The following TMEM187 variants were observed in gnomAD, a reference collection of about 807,000 sequenced individuals.
The protein encoded by TMEM187 is chromosome X open reading frame 12.
A neutral mutation model predicts 11.8 loss-of-function variants in TMEM187; 14 were observed. The ratio of observed to expected loss-of-function variants is 1.18; its 90% CI spans 0.78 to 1.85. TMEM187 has a LOEUF of 1.85. TMEM187 is among the 40% of genes most tolerant of loss of function. The pLI is 0.00. For synonymous variants in TMEM187, 112 were observed against 118.5 expected, an observed-to-expected ratio of 0.95 and a Z score of 0.36; for missense variants, 227 against 243.9, an observed-to-expected ratio of 0.93 and a Z score of 0.46.
At chrX:153,975,021 GAAGAGC>G (rs1557121246) in intron 1 of TMEM187, among the ~76,000 whole-genome samples, 1 of 112,219 alleles carries the variant, frequency 8.9e-6, no homozygotes, top group African/African-American at 3.2e-5. Flanking sequence ...GGCATCTGAG[GAAGAGC>G]AAGGAATCAG....
At chrX:153,980,945 C>T (rs1207109285) in intron 1 of TMEM187, among the ~76,000 whole-genome samples, 5 of 107,120 alleles carry the variant, frequency 4.7e-5, no homozygotes, top group African/African-American at 1.4e-4. Context: ...GTGCACAAAC[C>T]GAGGCCCAAG....
rs781906782 is a variant in TMEM187 at position 153,982,842 on chromosome X, G to A, written c.780G>A (p.Thr260=). Residue 260 remains threonine, a synonymous_variant, in exon 2 of 2, where the codon ACG becomes ACA. Transcript: ENST00000369982. ...GATTCCATCCCTCTGGCGGGAAGAC[G>A]CGTTGAACCCAGGGAAGAACCTGCT... ...HPRFHPSGGK[T]R The A allele has an allele frequency of 1.3e-4, 156 of 1,210,538 alleles. No homozygotes were observed. The Admixed American group carries it at 1.4e-3, about 11-fold the overall frequency.
chrX:153,983,067 A>G lies in TMEM187; in HGVS notation c.*219A>G, dbSNP rs192974779. ...AGACATAAAGCACAGATCTCCGCACAGGGGATGTGTGTGTTCCTGATGTAA... is the reference window on the plus strand; with the variant it reads ...AGACATAAAGCACAGATCTCCGCACGGGGGATGTGTGTGTTCCTGATGTAA... On this transcript the variant is annotated 3_prime_UTR_variant, in exon 2 of 2. Transcript: ENST00000369982. 2,554 of 635,962 alleles carry G rather than the reference A, an allele frequency of 4.0e-3. 10 individuals are homozygous for G. The highest frequency in any genetic ancestry group is 0.011 in the Middle Eastern group (22 of 1,930). 52.4% of individuals were successfully genotyped at this position (635,962 alleles called of 1,213,427 possible). A position where few individuals can be genotyped will look rare whatever the true frequency, so the allele number is the denominator to read the frequency against.
At chrX:153,981,810 C>T (rs946239781) in intron 1 of TMEM187, 40 bp from the exon 2 acceptor site, 16 of 472,319 alleles carry the variant, frequency 3.4e-5, no homozygotes, top group Non-Finnish European at 4.9e-5. Flanking sequence ...GTGCTGGGGA[C>T]GGTTTGTTTT....
At chrX:153,977,791 T>C (rs946933630) in intron 1 of TMEM187, among the ~76,000 whole-genome samples, 3 of 108,680 alleles carry the variant, frequency 2.8e-5, no homozygotes, top group Non-Finnish European at 5.7e-5. Flanking sequence ...GGCGGGCGCC[T>C]GTAATCCCAG....
chrX:153,974,352 G>A (rs2065569865), intron 1 of TMEM187, among the ~76,000 whole-genome samples: 2 of 112,323 alleles, frequency 1.8e-5, no homozygotes, highest in African/African-American at 3.2e-5. Context: ...ACCTGTAGAC[G>A]CCATGCGGGG....
At chrX:153,973,686 C>A (rs1603300272) in intron 1 of TMEM187, among the ~76,000 whole-genome samples, 1 of 66,540 alleles carries the variant, frequency 1.5e-5, no homozygotes, top group Admixed American at 2.4e-4. Flanking sequence ...GTCTCAAAAA[C>A]ACACACACAC....
At chrX:153,980,400 A>G (rs1020899606) in intron 1 of TMEM187, among the ~76,000 whole-genome samples, 6 of 111,719 alleles carry the variant, frequency 5.4e-5, no homozygotes, top group Non-Finnish European at 9.4e-5. Context: ...AAAGCAAGGA[A>G]GAAGCCACGT....
intron 1 of TMEM187, among the ~76,000 whole-genome samples, chrX:153,978,738 C>A (rs1370978777): frequency 3.0e-5 from 3 of 98,504 alleles, no homozygotes; most frequent in African/African-American, 7.5e-5. Context: ...CATGTGCCAC[C>A]ACACCTGGCT....
rs367760830 is a variant in TMEM187 at position 153,979,962 on chromosome X, C to A, written c.-213-1888C>A. ...CCGTGTTAGCCAGGATGCTCTCGAT[C>A]TCCTGACCTCGTGATCCACCCGCCT... On this transcript the variant is annotated intron_variant, in intron 1 of 1. Coordinates refer to ENST00000369982, the MANE Select transcript of TMEM187 (RefSeq NM_003492.3). Among the ~76,000 whole-genome samples the A allele has an allele frequency of 2.7e-5, 3 of 109,228 alleles. No homozygotes were observed. The East Asian group carries it at 8.7e-4, about 32-fold the overall frequency. 94.9% of individuals were successfully genotyped at this position (109,228 alleles called of 115,157 possible). A position where few individuals can be genotyped will look rare whatever the true frequency, so the allele number is the denominator to read the frequency against.
intron 1 of TMEM187, among the ~76,000 whole-genome samples, chrX:153,978,643 G>T (rs2065586540): frequency 1.0e-5 from 1 of 97,452 alleles, no homozygotes; most frequent in Non-Finnish European, 2.1e-5. Context: ...GAGTGCAGTG[G>T]CGTGATCTCG....
At position 153,972,939 on chromosome X, in the gene TMEM187, CGCGGCGGCGGCG is replaced by C. The variant is rs782390507; in HGVS notation, c.-214+94_-214+105del. 94 of 117,497 alleles carry C rather than the reference CGCGGCGGCGGCG, an allele frequency of 8.0e-4. 2 individuals carry two copies. Among genetic ancestry groups the C allele is most frequent in the Admixed American group, 3.1e-3 (32 of 10,403 alleles). 9.7% of individuals were successfully genotyped at this position (117,497 alleles called of 1,213,427 possible). The stretch of plus-strand genomic sequence containing the variant: ...CGCCTCCTCTAGGAGGCCGCCCGGG[CGCGGCGGCGGCG>C]GCGGCGGCGGCGGCATCCGCCCTGC... On this transcript the variant is annotated intron_variant, in intron 1 of 1. Transcript: ENST00000369982.
intron 1 of TMEM187, 72 bp from the exon 2 acceptor site, chrX:153,981,778 G>A (rs782045381): frequency 5.4e-5 from 23 of 424,972 alleles, no homozygotes; most frequent in South Asian, 2.1e-4. Flanking sequence ...TCCTGAGGCC[G>A]GGGGTCAGGA....
Position 153,981,996 on chromosome X carries a change from T to C in TMEM187, c.-67T>C. 8.3e-7 allele frequency: 1 copy of C among 1,210,010 alleles called. No individual in the cohort carries two copies. Among genetic ancestry groups the C allele is most frequent in the Non-Finnish European group, 1.1e-6 (1 of 894,983 alleles). ...CTCAGCCGGGAGGCCCAGAGTGTTCTGCAGAGGCTGCGTATTGAAGGCTGC... is the reference window on the plus strand; with the variant it reads ...CTCAGCCGGGAGGCCCAGAGTGTTCCGCAGAGGCTGCGTATTGAAGGCTGC... On this transcript the variant is annotated 5_prime_UTR_variant, in exon 2 of 2. Transcript: ENST00000369982.
At position 153,982,202 on chromosome X, in the gene TMEM187, G is replaced by A; in HGVS notation, c.140G>A (p.Gly47Asp). The change falls in exon 2 of 2, where the codon GGC (glycine) becomes GAC (aspartate). Residue 47 changes from glycine (G) to aspartate (D), a missense_variant. Gly to Asp is a moderately conservative substitution (Grantham distance 94, BLOSUM62 -1). Transcript: ENST00000369982. ...YEHYAEAPVA[G>D]LPAFLAMPFN... ...CACTACGCCGAGGCGCCCGTGGCCG[G>A]CCTCCCTGCCTTCCTGGCCATGCCG... 1 of 1,212,453 alleles carries A rather than the reference G, an allele frequency of 8.2e-7. No individual in the cohort carries two copies. Among genetic ancestry groups the A allele is most frequent in the Non-Finnish European group, 1.1e-6 (1 of 895,673 alleles).
Position 153,982,876 on chromosome X carries a change from A to G in TMEM187, c.*28A>G. 8.3e-7 allele frequency: 1 copy of G among 1,211,632 alleles called. No individual in the cohort carries two copies. Among genetic ancestry groups the G allele is most frequent in the Non-Finnish European group, 1.1e-6 (1 of 895,421 alleles). ...CCAGGGAAGAACCTGCTGAAAACCGATGACCCCCAGCATTGAAATGGACTC... is the reference window on the plus strand; with the variant it reads ...CCAGGGAAGAACCTGCTGAAAACCGGTGACCCCCAGCATTGAAATGGACTC... On this transcript the variant is annotated 3_prime_UTR_variant, in exon 2 of 2. Transcript: ENST00000369982.
chrX:153,978,605 G>C lies in TMEM187; in HGVS notation c.-213-3245G>C, dbSNP rs1355506879. Reference sequence around the variant, plus strand: ...TTTTTTTTTTTTTTTGGGGGGGAGAGGGAGTTTCGCTCTTGTTGCCCAGGC... The same window carrying C: ...TTTTTTTTTTTTTTTGGGGGGGAGACGGAGTTTCGCTCTTGTTGCCCAGGC... On this transcript the variant is annotated intron_variant, in intron 1 of 1. Transcript: ENST00000369982. 5.9e-5 allele frequency among the ~76,000 whole-genome samples: 4 copies of C among 67,927 alleles called. No individual in the cohort carries two copies. The East Asian group carries it at 1.9e-3, about 32-fold the overall frequency. 59.0% of individuals were successfully genotyped at this position (67,927 alleles called of 115,157 possible).
At chrX:153,979,800 G>C (rs971687679) in intron 1 of TMEM187, among the ~76,000 whole-genome samples, 1 of 98,286 alleles carries the variant, frequency 1.0e-5, no homozygotes, top group African/African-American at 3.7e-5. Flanking sequence ...GCAGTGGCGC[G>C]ATCTCAGCTC....
chrX:153,975,634 T>C (rs1557121364), intron 1 of TMEM187, among the ~76,000 whole-genome samples: 1 of 28,585 alleles, frequency 3.5e-5, no homozygotes, highest in Admixed American at 4.5e-4. Context: ...CCAGCCTTTT[T>C]TTTTTTTTTT....
Sources: allele counts gnomAD v4.1 joint callset (sites outside exome capture counted in the v4.1 genomes callset), GRCh38; gene constraint gnomAD v4.1.1; transcripts MANE v1.5; gene names NCBI Gene and HGNC (gene_info 2026-07-23, HGNC 2026-07-21).